Variants in JAKMIP1 observed in about 807,000 individuals in gnomAD.
JAKMIP1 encodes the protein janus kinase and microtubule interacting protein 1.
Under a neutral mutation model 113.0 loss-of-function variants are expected in JAKMIP1, and 33 were observed. That is an observed-to-expected ratio of 0.29 (90% CI 0.22 to 0.39). The LOEUF is 0.39. Among genes scored for constraint, JAKMIP1 ranks in the 10% least tolerant of loss-of-function variants. The pLI is 1.00. For missense variants in JAKMIP1, 813 were observed against 1,080.5 expected (o/e 0.75, Z 3.47); for synonymous variants, 480 against 459.9 (o/e 1.04, Z -0.56).
At chr4:6,101,917 A>G in intron 3 of JAKMIP1, among the ~76,000 whole-genome samples, 1 of 151,908 alleles carries the variant, frequency 6.6e-6, no homozygotes, top group African/African-American at 2.4e-5. Context: ...AAAAAAAAAA[A>G]AAAAGAGTCT....
In JAKMIP1 at chr4:6,143,737, T is replaced by G. The variant is rs1720474317; in HGVS notation, c.-147-30740A>C. Among the ~76,000 whole-genome samples, 1 of 152,180 alleles carries G rather than the reference T, an allele frequency of 6.6e-6. No homozygotes were observed. On this transcript the variant is annotated intron_variant, in intron 1 of 20. Coordinates refer to ENST00000409021, the MANE Select transcript of JAKMIP1 (RefSeq NM_001099433.2). This position sits in a 1 kb window ranked among gnomAD's most constrained non-coding sequence, Gnocchi z 4.9. ...TGGGGGTGGACTCAGCAGTGTGGGT[T>G]TTAACAAGTCCTCTGAGTGATTCTA...
At chr4:6,113,025 C>T in intron 1 of JAKMIP1, 28 bp from the exon 2 acceptor site, 1 of 1,029,790 alleles carries the variant, frequency 9.7e-7, no homozygotes, top group Non-Finnish European at 1.4e-6. Flanking sequence ...ACTGAGTTAG[C>T]AGAGACAGAA....
intron 2 of JAKMIP1, among the ~76,000 whole-genome samples, chr4:6,110,675 C>A (rs1714777838): frequency 6.8e-6 from 1 of 146,096 alleles, no homozygotes; most frequent in Non-Finnish European, 1.5e-5. Context: ...CTGTCTCATT[C>A]ATTCCTCAAA....
rs1401384490 is a variant in JAKMIP1 at position 6,155,215 on chromosome 4, C to T, written c.-147-42218G>A. On this transcript the variant is annotated intron_variant, in intron 1 of 20. Coordinates refer to ENST00000409021, the MANE Select transcript of JAKMIP1 (RefSeq NM_001099433.2). This position sits in a 1 kb window ranked among gnomAD's most constrained non-coding sequence, Gnocchi z 6.1. The stretch of plus-strand genomic sequence containing the variant: ...CCCTCCGCAGTGACCCTGGTGTGCC[C>T]ACGAGGAGGACGAATGCTCCTCCTA... 2.0e-5 allele frequency among the ~76,000 whole-genome samples: 3 copies of T among 152,122 alleles called. No individual in the cohort carries two copies. Among genetic ancestry groups the T allele is most frequent in the Non-Finnish European group, 4.4e-5 (3 of 68,022 alleles).
intron 8 of JAKMIP1, among the ~76,000 whole-genome samples, chr4:6,075,388 T>C (rs1397062312): frequency 1.3e-5 from 2 of 152,200 alleles, no homozygotes; most frequent in Non-Finnish European, 2.9e-5. Context: ...CAAAACCTGC[T>C]TGGGCCCCGA....
chr4:6,175,773 C>A (rs1441097759), intron 1 of JAKMIP1, among the ~76,000 whole-genome samples: 1 of 152,242 alleles, frequency 6.6e-6, no homozygotes, highest in Non-Finnish European at 1.5e-5. Flanking sequence ...ATTCAAAACT[C>A]AGACATTGTT....
intron 1 of JAKMIP1, among the ~76,000 whole-genome samples, chr4:6,114,299 G>A (rs2108893429): frequency 6.6e-6 from 1 of 152,334 alleles, no homozygotes; most frequent in South Asian, 2.1e-4. Context: ...AGAAGATGGT[G>A]TGTCTAGAAG....
At chr4:6,056,165 G>A (rs911994814) in intron 12 of JAKMIP1, among the ~76,000 whole-genome samples, 7 of 146,384 alleles carry the variant, frequency 4.8e-5, no homozygotes, top group African/African-American at 1.8e-4. Context: ...CCCCATCTCT[G>A]CAGGGTGTCT....
chr4:6,105,693 T>C lies in JAKMIP1; in HGVS notation c.404A>G (p.Glu135Gly). The change falls in exon 3 of 21, where the codon GAG becomes GGG. Residue 135 changes from glutamate to glycine, a missense_variant. Glu to Gly is a moderately conservative substitution (Grantham distance 98). This residue lies in a region of JAKMIP1 where 540 missense variants were observed against 653.9 expected (regional missense o/e 0.83). Coordinates refer to ENST00000409021, the MANE Select transcript of JAKMIP1 (RefSeq NM_001099433.2). ...GGCCCTGCGCGCCTCCTCGCGCGCC[T>C]CGGTCAGCAGCGCCGTCTTGACCTT... ...ADKVKTALLT[E>G]AREEARRAFD... The C allele has an allele frequency of 6.2e-7, 1 of 1,603,580 alleles. No homozygotes were observed. Among genetic ancestry groups the C allele is most frequent in the Non-Finnish European group, 8.5e-7 (1 of 1,177,862 alleles).
In JAKMIP1 at chr4:6,162,103, G is replaced by T. The variant is rs1723042437; in HGVS notation, c.-148+38150C>A. Among the ~76,000 whole-genome samples the T allele has an allele frequency of 6.8e-6, 1 of 148,050 alleles. No homozygotes were observed. The highest frequency in any genetic ancestry group is 2.1e-4 in the South Asian group (1 of 4,820). ...TCAGGCTCAGCCATGTCTGGGACGG[G>T]GTAGATTATGGGCCAGACGGGGGGC... On this transcript the variant is annotated intron_variant, in intron 1 of 20. Transcript: ENST00000409021. This position sits in a 1 kb window ranked among gnomAD's most constrained non-coding sequence, Gnocchi z 5.6.
intron 1 of JAKMIP1, among the ~76,000 whole-genome samples, chr4:6,125,021 G>A (rs1717210447): frequency 6.6e-6 from 1 of 152,162 alleles, no homozygotes; most frequent in Non-Finnish European, 1.5e-5. Context: ...AGAGGGAGTA[G>A]GAGAGGAGAA....
At position 6,108,822 on chromosome 4, in the gene JAKMIP1, C is replaced by T. The variant is rs557780505; in HGVS notation, c.130-2855G>A. On this transcript the variant is annotated intron_variant, in intron 2 of 20. Transcript: ENST00000409021. The surrounding 1 kb of genome is among the most constrained non-coding windows in gnomAD (Gnocchi z 5.6). Reference sequence around the variant, plus strand: ...CAAGAGGAGGCTGAAGGGAGCCATGCGGCAGTGGATGCGTCTTGGGACATC... The same window carrying T: ...CAAGAGGAGGCTGAAGGGAGCCATGTGGCAGTGGATGCGTCTTGGGACATC... Among the ~76,000 whole-genome samples the T allele has an allele frequency of 3.9e-4, 60 of 152,322 alleles. No homozygotes were observed. In the South Asian group the frequency reaches 0.012, roughly 30 times the overall value.
At chr4:6,056,519 G>A (rs1425083711) in intron 12 of JAKMIP1, among the ~76,000 whole-genome samples, 178 bp downstream of exon 12, 2 of 152,250 alleles carry the variant, frequency 1.3e-5, no homozygotes, top group Non-Finnish European at 2.9e-5. Flanking sequence ...TAGAACCACA[G>A]ATGTGGCTTT....
Position 6,114,355 on chromosome 4 carries a change from G to T in JAKMIP1, c.-147-1358C>A, listed in dbSNP as rs1473402255. On this transcript the variant is annotated intron_variant, in intron 1 of 20. Coordinates refer to ENST00000409021, the MANE Select transcript of JAKMIP1 (RefSeq NM_001099433.2). Reference sequence around the variant, plus strand: ...GCAGCCCCAAAGAGGTCAAGGTGAGGACCTGAAGCTGGACATTGGATTTGG... The same window carrying T: ...GCAGCCCCAAAGAGGTCAAGGTGAGTACCTGAAGCTGGACATTGGATTTGG... 3.9e-5 allele frequency among the ~76,000 whole-genome samples: 6 copies of T among 152,192 alleles called. No individual in the cohort carries two copies. The East Asian group carries it at 1.2e-3, about 29-fold the overall frequency.
chr4:6,077,120 T>C (rs1017261874), intron 8 of JAKMIP1, among the ~76,000 whole-genome samples: 2 of 152,218 alleles, frequency 1.3e-5, no homozygotes, highest in Admixed American at 6.5e-5. Flanking sequence ...CCCAAAAAGA[T>C]AGGTCGAGGT....
chr4:6,053,998 C>G, intron 13 of JAKMIP1, 52 bp downstream of exon 13: 3 of 1,613,658 alleles, frequency 1.9e-6, no homozygotes, highest in Admixed American at 1.7e-5. Flanking sequence ...AGTTTGGGTT[C>G]AAAGAGAATG....
rs1388755783 is a variant in JAKMIP1, at chr4:6,184,444, C to T, written c.-148+15809G>A. Among the ~76,000 whole-genome samples the T allele has an allele frequency of 1.3e-5, 2 of 152,176 alleles. No individual in the cohort carries two copies. Among genetic ancestry groups the T allele is most frequent in the African/African-American group, 2.4e-5 (1 of 41,442 alleles). On this transcript the variant is annotated intron_variant, in intron 1 of 20. Transcript: ENST00000409021. The surrounding 1 kb of genome is among the most constrained non-coding windows in gnomAD (Gnocchi z 4.5). ...ACAATACAGCCCACACTCAGCATCACAAGGAGGGAGAGAGGGCAAGGCAAG... is the reference window on the plus strand; with the variant it reads ...ACAATACAGCCCACACTCAGCATCATAAGGAGGGAGAGAGGGCAAGGCAAG...
At chr4:6,170,898 C>T (rs1578455629) in intron 1 of JAKMIP1, among the ~76,000 whole-genome samples, 1 of 151,090 alleles carries the variant, frequency 6.6e-6, no homozygotes, top group African/African-American at 2.4e-5. Flanking sequence ...TCCACCACCA[C>T]CATCACCATC....
chr4:6,177,746 C>T (rs1480156903), intron 1 of JAKMIP1, among the ~76,000 whole-genome samples: 2 of 152,172 alleles, frequency 1.3e-5, no homozygotes, highest in Admixed American at 6.5e-5. Context: ...AGTGCAACCT[C>T]CTCCACTCCA....
Sources: gnomAD v4.1 joint callset for allele counts (sites outside exome capture counted in the v4.1 genomes callset) on GRCh38, gnomAD v4.1.1 for gene constraint, gnomAD v4.1.1 regional missense constraint, Gnocchi (gnomAD v3.1) non-coding constraint, MANE v1.5 for transcripts, NCBI Gene and HGNC (gene_info 2026-07-23, HGNC 2026-07-21) for gene names.